C3orf33: variants seen among roughly 807,000 people sequenced by gnomAD.
C3orf33 encodes AP-1 activity suppressor.
A neutral mutation model predicts 28.7 loss-of-function variants in C3orf33; 23 were observed. The observed-to-expected ratio is 0.80, with a 90% CI of 0.58 to 1.13. C3orf33 has a LOEUF of 1.13. C3orf33 is among the 50% of genes most tolerant of loss of function. The probability of loss-of-function intolerance (pLI) is 0.00; values close to 1 mark genes in which losing one functional copy is unlikely to be tolerated. For synonymous variants in C3orf33, 119 were observed against 120.5 expected (o/e 0.99, Z 0.08); for missense variants, 327 against 353.4 (o/e 0.93, Z 0.60).
intron 2 of C3orf33, among the ~76,000 whole-genome samples, chr3:155,798,466 T>C (rs770056595): frequency 3.9e-5 from 6 of 152,092 alleles, no homozygotes; most frequent in Non-Finnish European, 7.4e-5. Context: ...AACAAATCCA[T>C]ACATCTACAG....
chr3:155,803,296 T>C (rs748917419), intron 1 of C3orf33, among the ~76,000 whole-genome samples: 3 of 152,166 alleles, frequency 2.0e-5, no homozygotes, highest in Non-Finnish European at 4.4e-5. Flanking sequence ...CTGGGCATGG[T>C]GGCTCACACC....
chr3:155,775,441 A>T (rs577332469), intron 3 of C3orf33, among the ~76,000 whole-genome samples: 1 of 151,326 alleles, frequency 6.6e-6, no homozygotes, highest in Admixed American at 6.6e-5. Flanking sequence ...GTGAGCCGAA[A>T]TTGCACCATT....
intron 4 of C3orf33, among the ~76,000 whole-genome samples, chr3:155,764,482 A>G (rs1172194439): frequency 6.6e-6 from 1 of 152,202 alleles, no homozygotes; most frequent in Non-Finnish European, 1.5e-5. Context: ...TCCTACAGGA[A>G]ATTTTATTCA....
At chr3:155,780,717 C>T (rs1750891614) in intron 2 of C3orf33, among the ~76,000 whole-genome samples, 1 of 152,084 alleles carries the variant, frequency 6.6e-6, no homozygotes, top group African/African-American at 2.4e-5. Context: ...GCTAAATGGT[C>T]ACTCTCCCTG....
chr3:155,764,018 T>A, intron 4 of C3orf33, 100 bp from the exon 5 acceptor site: 1 of 1,007,624 alleles, frequency 9.9e-7, no homozygotes, highest in Non-Finnish European at 1.3e-6. Context: ...ACAATTTTAG[T>A]CCTCCAAAGA....
chr3:155,799,960 G>C (rs932106320), intron 2 of C3orf33, among the ~76,000 whole-genome samples: 1 of 152,056 alleles, frequency 6.6e-6, no homozygotes, highest in Non-Finnish European at 1.5e-5. Context: ...TGGTTAATGG[G>C]TATGAAAATA....
chr3:155,791,957 C>T (rs2109274006), intron 2 of C3orf33, among the ~76,000 whole-genome samples: 1 of 152,002 alleles, frequency 6.6e-6, no homozygotes, highest in East Asian at 1.9e-4. Context: ...CCTACTGATT[C>T]TGGAGCCCTA....
intron 2 of C3orf33, among the ~76,000 whole-genome samples, chr3:155,802,127 A>C (rs1480286697): frequency 6.6e-6 from 1 of 152,238 alleles, no homozygotes; most frequent in Non-Finnish European, 1.5e-5. Context: ...AGAAATAAGA[A>C]AATGTGCTAA....
intron 3 of C3orf33, among the ~76,000 whole-genome samples, chr3:155,768,632 A>T (rs1750485327): frequency 6.6e-6 from 1 of 152,248 alleles, no homozygotes; most frequent in African/African-American, 2.4e-5. Flanking sequence ...TTATACACTT[A>T]ACATACATTA....
intron 1 of C3orf33, among the ~76,000 whole-genome samples, chr3:155,802,933 T>TATA (rs1751693868): frequency 6.6e-6 from 1 of 152,056 alleles, no homozygotes; most frequent in African/African-American, 2.4e-5. Flanking sequence ...GTATATAGTA[T>TATA]TGGATTGTTC....
At chr3:155,767,813 C>A (rs956036305) in intron 3 of C3orf33, 144 bp from the exon 4 acceptor site, 28 of 490,746 alleles carry the variant, frequency 5.7e-5, no homozygotes, top group South Asian at 1.4e-4. Flanking sequence ...CCATTTATTT[C>A]TATATTCAAG....
chr3:155,782,460 A>G (rs777386791), intron 2 of C3orf33, among the ~76,000 whole-genome samples: 42 of 152,200 alleles, frequency 2.8e-4, no homozygotes, highest in Non-Finnish European at 5.4e-4. Flanking sequence ...AGATATTAGC[A>G]AACTGAATAA....
In C3orf33 at chr3:155,797,049, G is replaced by A. The variant is rs189660126; in HGVS notation, c.174+5483C>T. ...CTACTAAAAATACAAAAATTAGCCA[G>A]GCGTGGTGGTGGGTGCCTGTAATTC... On this transcript the variant is annotated intron_variant, in intron 2 of 4. Transcript: ENST00000340171. Among the ~76,000 whole-genome samples the A allele has an allele frequency of 4.0e-3, 608 of 152,262 alleles. 5 individuals carry two copies. Among genetic ancestry groups the A allele is most frequent in the African/African-American group, 0.014 (563 of 41,546 alleles).
At chr3:155,800,467 G>A (rs1751608026) in intron 2 of C3orf33, among the ~76,000 whole-genome samples, 1 of 151,630 alleles carries the variant, frequency 6.6e-6, no homozygotes, top group Non-Finnish European at 1.5e-5. Context: ...AGCCAGGCAT[G>A]GTGGCAGGTG....
At chr3:155,765,215 A>T (rs568161786) in intron 4 of C3orf33, among the ~76,000 whole-genome samples, 7 of 152,326 alleles carry the variant, frequency 4.6e-5, no homozygotes, top group Admixed American at 1.3e-4. Flanking sequence ...AGCCAGGAAG[A>T]GTTGGGTTTG....
At chr3:155,781,938 T>A (rs111633758) in intron 2 of C3orf33, among the ~76,000 whole-genome samples, 2,916 of 151,182 alleles carry the variant, frequency 0.019, 80 homozygotes, top group African/African-American at 0.067. Context: ...TAGCCGGGTG[T>A]GGTGGCATGT....
intron 2 of C3orf33, among the ~76,000 whole-genome samples, chr3:155,791,437 G>C (rs1301229385): frequency 6.6e-6 from 1 of 152,154 alleles, no homozygotes; most frequent in African/African-American, 2.4e-5. Context: ...TTCTACTTGA[G>C]AAAAGGAGGA....
At chr3:155,784,926 G>A (rs1248173116) in intron 2 of C3orf33, among the ~76,000 whole-genome samples, 1 of 151,642 alleles carries the variant, frequency 6.6e-6, no homozygotes, top group African/African-American at 2.4e-5. Flanking sequence ...AATAGAAAGA[G>A]AGAGATCAGC....
At chr3:155,786,565 G>A (rs761214639) in intron 2 of C3orf33, among the ~76,000 whole-genome samples, 20 of 152,154 alleles carry the variant, frequency 1.3e-4, no homozygotes, top group African/African-American at 3.6e-4. Flanking sequence ...AGTGGCTCAC[G>A]TCTGTAATCC....
Sources: gnomAD v4.1 joint callset for allele counts (sites outside exome capture counted in the v4.1 genomes callset) on GRCh38, gnomAD v4.1.1 for gene constraint, MANE v1.5 for transcripts, NCBI Gene and HGNC (gene_info 2026-07-23, HGNC 2026-07-21) for gene names.